The following ITGA7 variants were observed in gnomAD, a reference collection of about 807,000 sequenced individuals.
The protein encoded by ITGA7 is integrin alpha-7.
In ITGA7, 84 loss-of-function variants were observed where a neutral mutation model predicts 131.6. The ratio of observed to expected loss-of-function variants is 0.64; its 90% confidence interval spans 0.54 to 0.77. ITGA7 has a LOEUF of 0.77. Among genes scored for constraint, ITGA7 ranks in the 30% least tolerant of loss-of-function variants. ITGA7 has a pLI of 0.00. For missense variants in ITGA7, 1,399 were observed against 1,482.9 expected (o/e 0.94, Z 0.93); for synonymous variants, 548 against 600.7 (o/e 0.91, Z 1.28).
chr12:55,695,543 G>A lies in ITGA7; in HGVS notation c.1982C>T (p.Thr661Met), dbSNP rs749679578. 1.5e-5 allele frequency: 24 copies of A among 1,605,470 alleles called. No homozygotes were observed. The highest frequency in any genetic ancestry group is 1.2e-4 in the Admixed American group (7 of 59,704). ...RARFCTRVSD[T>M]EFQPLPMDVD... ...TCACATGGGCAGAGGTTGGAATTCC[G>A]TGTCGCTGACCCGGGTACAGAAGCG... is the stretch of plus-strand genomic sequence containing the variant. Residue 661 changes from threonine (T) to methionine (M), a missense_variant, in exon 14 of 25, where the codon ACG (threonine) becomes ATG (methionine). Physicochemically the swap from Thr to Met is moderately conservative, Grantham distance 81. Coordinates refer to ENST00000257879, the MANE Select transcript of ITGA7 (RefSeq NM_002206.3).
chr12:55,703,417 TACACACAC>T (rs57311080), intron 1 of ITGA7, among the ~76,000 whole-genome samples: 1 of 148,782 alleles, frequency 6.7e-6, no homozygotes, highest in Non-Finnish European at 1.5e-5. Context: ...ACACAGTAGA[TACACACAC>T]ACACACACAC....
intron 1 of ITGA7, among the ~76,000 whole-genome samples, chr12:55,706,052 C>A (rs926972335): frequency 6.6e-6 from 1 of 152,200 alleles, no homozygotes; most frequent in Non-Finnish European, 1.5e-5. Flanking sequence ...CCCAGCTTGG[C>A]TCTGGGAGAC....
At position 55,687,911 on chromosome 12, in the gene ITGA7, C is replaced by A. The variant is rs112646584; in HGVS notation, c.3183+60G>T. The A allele has an allele frequency of 4.8e-5, 77 of 1,611,376 alleles. No homozygotes were observed. The South Asian group carries it at 7.5e-4, about 16-fold the overall frequency. On this transcript the variant is annotated intron_variant, in intron 24 of 24. Coordinates refer to ENST00000257879, the MANE Select transcript of ITGA7 (RefSeq NM_002206.3). Reference sequence around the variant, plus strand: ...GTGGGTGGGTGACAGAACCACAATACAAAATGCTGCTCACCCAACCAGGAA... The same window carrying A: ...GTGGGTGGGTGACAGAACCACAATAAAAAATGCTGCTCACCCAACCAGGAA...
intron 1 of ITGA7, among the ~76,000 whole-genome samples, chr12:55,705,772 A>C (rs181503975): frequency 6.6e-6 from 1 of 152,386 alleles, no homozygotes; most frequent in East Asian, 1.9e-4. Context: ...TACTATGTTT[A>C]TATCCTTTTT....
upstream of ITGA7, among the ~76,000 whole-genome samples, chr12:55,715,422 TTTC>T (rs1876442037): frequency 6.6e-6 from 1 of 152,180 alleles, no homozygotes; most frequent in Admixed American, 6.5e-5. Flanking sequence ...CCCGGAAGCA[TTTC>T]TTTTTAGTTC....
rs541749524 is a variant in ITGA7 at position 55,692,708 on chromosome 12, G to A, written c.2844+136C>T. 1.9e-4 allele frequency: 226 copies of A among 1,165,094 alleles called. 5 individuals are homozygous for A. The South Asian group carries it at 2.4e-3, about 13-fold the overall frequency. 72.2% of individuals were successfully genotyped at this position (1,165,094 alleles called of 1,614,324 possible). ...TCTGCAGTGTCAGTAGCTGCCTCCC[G>A]GGCACCCCCTCCTATGAATTGTGAT... On this transcript the variant is annotated intron_variant, in intron 21 of 24. Transcript: ENST00000257879.
upstream of ITGA7, chr12:55,712,514 A>G: frequency 5.5e-6 from 3 of 546,912 alleles, no homozygotes; most frequent in South Asian, 8.7e-5. Context: ...ACTCTGAAAG[A>G]GACCTCAAAA....
At position 55,685,242 on chromosome 12, in the gene ITGA7, T is replaced by C. The variant is rs1287914625; in HGVS notation, c.3230A>G (p.Gln1077Arg). The C allele has an allele frequency of 1.2e-6, 2 of 1,614,108 alleles. No homozygotes were observed. The highest frequency in any genetic ancestry group is 1.7e-6 in the Non-Finnish European group (2 of 1,180,044). The change falls in exon 25 of 25, where the codon CAG becomes CGG. Residue 1077 changes from glutamine to arginine, a missense_variant. Gln to Arg is a conservative substitution (Grantham distance 43). Coordinates refer to ENST00000257879, the MANE Select transcript of ITGA7 (RefSeq NM_002206.3). ...CCGAGGAATCTTCACCGCATGGTAC[T>C]GGGGCACGGTGGCCTCGGGGTGCTT... The part of the protein sequence containing the change: ...RAKHPEATVP[Q>R]YHAVKIPRED...
Position 55,697,497 on chromosome 12 carries a change from T to C in ITGA7, c.1459A>G (p.Ser487Gly), listed in dbSNP as rs934502279. 14 of 1,613,960 alleles carry C rather than the reference T, an allele frequency of 8.7e-6. No homozygotes were observed. The Admixed American group carries it at 1.7e-4, about 19-fold the overall frequency. ...VSHEVSIAPR[S>G]IDLEQPNCAG... ...CAGTTGGGCTGCTCCAGGTCGATGCTTCGTGGAGCAATAGAGACCTCATGG... is the reference window on the plus strand; with the variant it reads ...CAGTTGGGCTGCTCCAGGTCGATGCCTCGTGGAGCAATAGAGACCTCATGG... The change falls in exon 10 of 25, where the codon AGC becomes GGC. Residue 487 changes from serine to glycine, a missense_variant. Physicochemically the swap from Ser to Gly is moderately conservative, Grantham distance 56 (BLOSUM62 0). Transcript: ENST00000257879.
At position 55,697,199 on chromosome 12, in the gene ITGA7, G is replaced by T. The variant is rs779675449; in HGVS notation, c.1567+17C>A. 3.1e-6 allele frequency: 5 copies of T among 1,591,048 alleles called. No individual in the cohort carries two copies. The highest frequency in any genetic ancestry group is 2.7e-5 in the African/African-American group (2 of 74,662). On this transcript the variant is annotated intron_variant, in intron 11 of 24. Transcript: ENST00000257879. ...GAAACCCAAAAGGGCGAGCCACAGA[G>T]GGGGGACCGCACTCACCCACAGTAG...
In ITGA7 at chr12:55,695,517, C is replaced by G. The variant is rs1872444994; in HGVS notation, c.2003+5G>C. The G allele has an allele frequency of 6.3e-7, 1 of 1,577,776 alleles. No individual in the cohort carries two copies. Among genetic ancestry groups the G allele is most frequent in the Non-Finnish European group, 8.7e-7 (1 of 1,147,262 alleles). On this transcript the variant is annotated splice_donor_5th_base_variant and intron_variant, in intron 14 of 24. Coordinates refer to ENST00000257879, the MANE Select transcript of ITGA7 (RefSeq NM_002206.3). ...CACCCCCACCCTGCTCTCTGCCCCC[C>G]TCACATGGGCAGAGGTTGGAATTCC...
chr12:55,702,977 G>A lies in ITGA7; in HGVS notation c.335-26C>T, dbSNP rs758612478. The A allele has an allele frequency of 1.9e-5, 31 of 1,613,114 alleles. No homozygotes were observed. In the Admixed American group the frequency reaches 3.7e-4, roughly 19 times the overall value. ...CTAGAGGCAGGACACTGGGAATTAGGGGAGGGAAGAGGAGCCCAAGTCCTC... is the reference window on the plus strand; with the variant it reads ...CTAGAGGCAGGACACTGGGAATTAGAGGAGGGAAGAGGAGCCCAAGTCCTC... On this transcript the variant is annotated intron_variant, in intron 2 of 24. Coordinates refer to ENST00000257879, the MANE Select transcript of ITGA7 (RefSeq NM_002206.3).
At chr12:55,716,220 G>A (rs1462574618), upstream of ITGA7, 4 of 1,590,698 alleles carry the variant, frequency 2.5e-6, no homozygotes, top group East Asian at 2.3e-5. Context: ...CCTGTCGGCC[G>A]TTTTCTCTTC....
At position 55,684,898 on chromosome 12, in the gene ITGA7, G is replaced by C. The variant is rs960020104; in HGVS notation, c.*160C>G. 4 of 624,860 alleles carry C rather than the reference G, an allele frequency of 6.4e-6. No homozygotes were observed. Among genetic ancestry groups the C allele is most frequent in the African/African-American group, 5.5e-5 (3 of 54,298 alleles). The allele number at this position is 624,860 out of a possible 1,614,324, so 38.7% of individuals were successfully genotyped here. A position where few individuals can be genotyped will look rare whatever the true frequency, so the allele number is the denominator to read the frequency against. On this transcript the variant is annotated 3_prime_UTR_variant, in exon 25 of 25. Coordinates refer to ENST00000257879, the MANE Select transcript of ITGA7 (RefSeq NM_002206.3). ...AGCACTCTAAGGGGAAGTTGGGTGGGAGGAGTTCTTGTGGGTGGGAGAGGT... is the reference window on the plus strand; with the variant it reads ...AGCACTCTAAGGGGAAGTTGGGTGGCAGGAGTTCTTGTGGGTGGGAGAGGT...
Position 55,701,130 on chromosome 12 carries a change from T to G in ITGA7, c.439A>C (p.Arg147=). The change falls in exon 4 of 25, where the codon AGG becomes CGG. Residue 147 remains arginine, a synonymous_variant. Coordinates refer to ENST00000257879, the MANE Select transcript of ITGA7 (RefSeq NM_002206.3). ...TCCAGGATCTGGTCCACTCGCTGCC[T>G]TGCCTCATATCGGTGTGCACAGGTC... ...IVTCAHRYEA[R]QRVDQILETR... 1 of 1,614,230 alleles carries G rather than the reference T, an allele frequency of 6.2e-7. No homozygotes were observed.
intron 21 of ITGA7, among the ~76,000 whole-genome samples, chr12:55,692,390 T>G (rs900474869): frequency 2.6e-5 from 4 of 152,172 alleles, no homozygotes; most frequent in Admixed American, 2.6e-4. Context: ...ACTCTAGCCT[T>G]GGTGACAGAG....
Position 55,687,983 on chromosome 12 carries a change from C to CAGCACCAGCAGTGCT in ITGA7, c.3156_3170dup (p.Ala1053_Leu1057dup). 1.9e-6 allele frequency: 3 copies of CAGCACCAGCAGTGCT among 1,614,192 alleles called. No individual in the cohort carries two copies. Among genetic ancestry groups the CAGCACCAGCAGTGCT allele is most frequent in the Non-Finnish European group, 2.5e-6 (3 of 1,180,042 alleles). On this transcript the variant is annotated inframe_insertion, in exon 24 of 25. Coordinates refer to ENST00000257879, the MANE Select transcript of ITGA7 (RefSeq NM_002206.3). Reference sequence around the variant, plus strand: ...CTCCAAGCCTCACCTTCCACAGGAGCAGCACCAGCAGTGCTAGCACCAGCA... The same window carrying CAGCACCAGCAGTGCT: ...CTCCAAGCCTCACCTTCCACAGGAGCAGCACCAGCAGTGCTAGCACCAGCAGTGCTAGCACCAGCA...
Position 55,707,584 on chromosome 12 carries a change from G to C in ITGA7, c.99C>G (p.Ala33=). 1.9e-6 allele frequency: 3 copies of C among 1,613,838 alleles called. No individual in the cohort carries two copies. The change falls in exon 1 of 25, where the codon GCC becomes GCG. Residue 33 remains alanine, a synonymous_variant. Transcript: ENST00000257879. ...AGGCACCCATCACGTCCAGATTGAA[G>C]GCGACAGCCCGTGAGAAGAGCAGTT... ...LVELLFSRAV[A]FNLDVMGALR...
At position 55,694,016 on chromosome 12, in the gene ITGA7, C is replaced by G. The variant is rs754770500; in HGVS notation, c.2535+5G>C. ...CCATGGAGGGGCCTCATCCCTGACA[C>G]TTACCGTGACCTCATACTTGACCTT... On this transcript the variant is annotated splice_donor_5th_base_variant and intron_variant, in intron 19 of 24. Coordinates refer to ENST00000257879, the MANE Select transcript of ITGA7 (RefSeq NM_002206.3). This position sits in a 1 kb window ranked among gnomAD's most constrained non-coding sequence, Gnocchi z 5.3. 1.2e-6 allele frequency: 2 copies of G among 1,611,238 alleles called. No homozygotes were observed. Among genetic ancestry groups the G allele is most frequent in the African/African-American group, 2.7e-5 (2 of 74,878 alleles).
Sources: allele counts gnomAD v4.1 joint callset (sites outside exome capture counted in the v4.1 genomes callset), GRCh38; gene constraint gnomAD v4.1.1; non-coding constraint Gnocchi (gnomAD v3.1); transcripts MANE v1.5; gene names NCBI Gene and HGNC (gene_info 2026-07-23, HGNC 2026-07-21).